The following USP34 variants were observed in gnomAD, a reference collection of about 807,000 sequenced individuals.
USP34 encodes the protein ubiquitin carboxyl-terminal hydrolase 34.
In USP34, 70 loss-of-function variants were observed where a neutral mutation model predicts 460.3. That is an observed-to-expected ratio of 0.15 (90% CI 0.13 to 0.19). The LOEUF (loss-of-function observed/expected upper bound fraction) is 0.19. Among genes scored for constraint, USP34 ranks in the 10% least tolerant of loss-of-function variants. The pLI is 1.00. For synonymous variants in USP34, 1,647 were observed against 1,405.3 expected (o/e 1.17, Z -3.85); for missense variants, 3,985 against 4,236.2 (o/e 0.94, Z 1.65).
intron 1 of USP34, among the ~76,000 whole-genome samples, chr2:61,439,614 C>G (rs772833905): frequency 6.6e-5 from 10 of 152,156 alleles, no homozygotes; most frequent in South Asian, 2.1e-4. Context: ...GGATATCTGA[C>G]GGGGACTCCT....
In USP34 at chr2:61,378,913, G is replaced by GAAAAAAAAAA. The variant is rs34463913; in HGVS notation, c.1015-499_1015-490dup. 9.3e-4 allele frequency among the ~76,000 whole-genome samples: 54 copies of GAAAAAAAAAA among 57,872 alleles called. 7 individuals carry two copies. Among genetic ancestry groups the GAAAAAAAAAA allele is most frequent in the Non-Finnish European group, 1.1e-3 (39 of 35,272 alleles). The allele number at this position is 57,872 out of a possible 152,430, so 38.0% of individuals were successfully genotyped here. A position where few individuals can be genotyped will look rare whatever the true frequency, so the allele number is the denominator to read the frequency against. ...GAGTGAGAGTCCATCTCAAAAAAACGAAAAAAAAAAAAAAAAAAAAAAAAC... is the reference window on the plus strand; with the variant it reads ...GAGTGAGAGTCCATCTCAAAAAAACGAAAAAAAAAAAAAAAAAAAAAAAAAAAAAAAAAAC... On this transcript the variant is annotated intron_variant, in intron 7 of 79. Transcript: ENST00000398571.
chr2:61,338,352 C>T (rs910154408), intron 18 of USP34, among the ~76,000 whole-genome samples: 1 of 152,128 alleles, frequency 6.6e-6, no homozygotes, highest in African/African-American at 2.4e-5. Context: ...CCAAAGGAGG[C>T]AACTGATTCA....
Position 61,348,443 on chromosome 2 carries a change from C to G in USP34, c.1712G>C (p.Ser571Thr), listed in dbSNP as rs773939833. ...MQGSSDETANSGEDGSSGPGS... is the reference protein window; with the variant it reads ...MQGSSDETANTGEDGSSGPGS... Reference sequence around the variant, plus strand: ...AGGACCACTGCTTCCATCTTCACCACTGTTGGCAGTTTCGTCAGAACTTCC... The same window carrying G: ...AGGACCACTGCTTCCATCTTCACCAGTGTTGGCAGTTTCGTCAGAACTTCC... The change falls in exon 15 of 80, where the codon AGT becomes ACT. Residue 571 changes from serine to threonine, a missense_variant. This residue lies in a region of USP34 where 716 missense variants were observed against 626.2 expected (regional missense o/e 1.14). Coordinates refer to ENST00000398571, the MANE Select transcript of USP34 (RefSeq NM_014709.4). 1 of 1,613,336 alleles carries G rather than the reference C, an allele frequency of 6.2e-7. No individual in the cohort carries two copies. Among genetic ancestry groups the G allele is most frequent in the Admixed American group, 1.7e-5 (1 of 60,022 alleles).
intron 8 of USP34, among the ~76,000 whole-genome samples, chr2:61,371,598 G>C (rs1014654632): frequency 5.3e-5 from 8 of 151,996 alleles, no homozygotes; most frequent in African/African-American, 1.5e-4. Context: ...TAAAAAGTTA[G>C]AGTAAGCTAA....
At position 61,256,435 on chromosome 2, in the gene USP34, T is replaced by C; in HGVS notation, c.6170A>G (p.Asp2057Gly). The change falls in exon 48 of 80, where the codon GAT (aspartate) becomes GGT (glycine). Residue 2057 changes from aspartate to glycine, a missense_variant. Physicochemically the swap from Asp to Gly is moderately conservative, Grantham distance 94. This residue lies in a region of USP34 where 145 missense variants were observed against 291.6 expected (regional missense o/e 0.50). Coordinates refer to ENST00000398571, the MANE Select transcript of USP34 (RefSeq NM_014709.4). ...EVTIKDTLEG[D>G]NMYTCSHCGK... is the part of the protein sequence containing the mutation. Reference sequence around the variant, plus strand: ...ACAATGAGAACAAGTATACATGTTATCACCTTCCAAAGTGTCTTTTATAGT... The same window carrying C: ...ACAATGAGAACAAGTATACATGTTACCACCTTCCAAAGTGTCTTTTATAGT... 3 of 1,611,834 alleles carry C rather than the reference T, an allele frequency of 1.9e-6. No homozygotes were observed. Among genetic ancestry groups the C allele is most frequent in the Non-Finnish European group, 2.5e-6 (3 of 1,179,274 alleles).
At chr2:61,190,161 A>C (rs1022695435) in intron 78 of USP34, 110 bp downstream of exon 78, 25 of 1,451,032 alleles carry the variant, frequency 1.7e-5, no homozygotes, top group African/African-American at 2.8e-5. Flanking sequence ...ACATGGCTTA[A>C]GAGTTTGAAT....
intron 78 of USP34, chr2:61,189,756 C>T (rs1686569490): frequency 6.6e-6 from 1 of 152,632 alleles, no homozygotes; most frequent in African/African-American, 2.4e-5. Context: ...TAAGGTCTTC[C>T]TTACTGAGCT....
intron 32 of USP34, among the ~76,000 whole-genome samples, chr2:61,294,362 T>TACAC (rs112184999): frequency 6.0e-5 from 9 of 151,076 alleles, no homozygotes; most frequent in Non-Finnish European, 1.2e-4. Flanking sequence ...AAAAAATTTA[T>TACAC]ACACACACAC....
intron 27 of USP34, among the ~76,000 whole-genome samples, chr2:61,307,900 T>A (rs1274719237): frequency 1.3e-5 from 2 of 151,758 alleles, no homozygotes; most frequent in Non-Finnish European, 2.9e-5. Context: ...AATACAAAAA[T>A]CAGCTGGGCA....
chr2:61,343,330 T>G (rs756436737), intron 16 of USP34, among the ~76,000 whole-genome samples: 1 of 152,196 alleles, frequency 6.6e-6, no homozygotes, highest in Non-Finnish European at 1.5e-5. Context: ...AAGAGTGATT[T>G]AGACTTGAAC....
chr2:61,190,388 T>A lies in USP34; in HGVS notation c.9756A>T (p.Ala3252=). 6.2e-7 allele frequency: 1 copy of A among 1,610,870 alleles called. No individual in the cohort carries two copies. Among genetic ancestry groups the A allele is most frequent in the South Asian group, 1.1e-5 (1 of 89,972 alleles). ...GAGTGCTGATCAAATTGGCACAGTT[T>A]GCTTCAGAAAACACTTGACTTTGAA... The part of the protein sequence containing the change: ...LKVQSQVFSE[A]NCANLISTLI... The change falls in exon 78 of 80, where the codon GCA becomes GCT. Residue 3252 remains alanine, a synonymous_variant. Transcript: ENST00000398571.
chr2:61,242,041 A>G (rs1026885289), intron 51 of USP34, among the ~76,000 whole-genome samples: 3 of 152,130 alleles, frequency 2.0e-5, no homozygotes, highest in African/African-American at 7.2e-5. Flanking sequence ...ATTTTTAGAT[A>G]GAGAACACTA....
intron 21 of USP34, among the ~76,000 whole-genome samples, chr2:61,320,219 G>A (rs1430206821): frequency 3.3e-5 from 5 of 152,194 alleles, no homozygotes; most frequent in Admixed American, 2.0e-4. Flanking sequence ...GCTTATTCCA[G>A]TTCAGGGTTG....
intron 1 of USP34, among the ~76,000 whole-genome samples, chr2:61,445,320 G>A (rs181043718): frequency 1.3e-5 from 2 of 150,058 alleles, no homozygotes; most frequent in East Asian, 3.9e-4. Flanking sequence ...CGGATCACAA[G>A]GTCAGGAGAT....
rs183581465 is a variant in USP34, at chr2:61,354,232, A to C, written c.1252-3539T>G. On this transcript the variant is annotated intron_variant, in intron 10 of 79. Transcript: ENST00000398571. ...AATGCAATCAGAATGTAGGAAGCCA[A>C]AGACGAAAATCTCAAAAACCACAAG... Among the ~76,000 whole-genome samples the C allele has an allele frequency of 2.6e-4, 40 of 152,350 alleles. No homozygotes were observed. The East Asian group carries it at 7.7e-3, about 29-fold the overall frequency.
chr2:61,343,359 C>T (rs1465619441), intron 16 of USP34, among the ~76,000 whole-genome samples: 1 of 146,656 alleles, frequency 6.8e-6, no homozygotes, highest in African/African-American at 2.4e-5. Context: ...CTCACACTCG[C>T]CCCTCCTTAT....
intron 48 of USP34, chr2:61,250,492 C>A: frequency 6.3e-6 from 1 of 159,260 alleles, no homozygotes; most frequent in South Asian, 1.9e-4. Context: ...ACACAAACAT[C>A]ATGAAGAAAG....
In USP34 at chr2:61,256,371, T is replaced by C; in HGVS notation, c.6221+13A>G. On this transcript the variant is annotated intron_variant, in intron 48 of 79. Coordinates refer to ENST00000398571, the MANE Select transcript of USP34 (RefSeq NM_014709.4). ...CGGTGAACATAATAAAAATCACATT[T>C]GAAAAAGCATACCTTTTTTCAGCTC... The C allele has an allele frequency of 1.2e-6, 2 of 1,600,450 alleles. No homozygotes were observed. The highest frequency in any genetic ancestry group is 1.7e-6 in the Non-Finnish European group (2 of 1,169,268).
chr2:61,399,329 T>A (rs1445099152), intron 3 of USP34, among the ~76,000 whole-genome samples: 3 of 143,672 alleles, frequency 2.1e-5, no homozygotes. Flanking sequence ...GGCAACAGGA[T>A]CAAAACTCCG....
Sources: gnomAD v4.1 joint callset for allele counts (sites outside exome capture counted in the v4.1 genomes callset) on GRCh38, gnomAD v4.1.1 for gene constraint, gnomAD v4.1.1 regional missense constraint, MANE v1.5 for transcripts, NCBI Gene and HGNC (gene_info 2026-07-23, HGNC 2026-07-21) for gene names.